TOP6BL: variants seen among roughly 807,000 people sequenced by gnomAD.
TOP6BL encodes the protein type 2 DNA topoisomerase 6 subunit B-like.
chr11:66,762,222 C>T, the TOP6BL span: 10 of 618,074 alleles, frequency 1.6e-5, no homozygotes, highest in Non-Finnish European at 2.9e-5. Flanking sequence ...GCAGGGCCCG[C>T]GAGGCCGCAG....
At chr11:66,774,785 TA>T in the TOP6BL span, among the ~76,000 whole-genome samples, 8 of 151,344 alleles carry the variant, frequency 5.3e-5, no homozygotes, top group African/African-American at 1.7e-4. Context: ...CTTTGGTTTT[TA>T]AAACCTTTAC....
chr11:66,748,543 T>G, the TOP6BL span: 1 of 1,498,172 alleles, frequency 6.7e-7, no homozygotes, highest in Non-Finnish European at 9.0e-7. Context: ...AAAAATATTT[T>G]CTATCTCTTT....
chr11:66,802,692 T>C, the TOP6BL span, among the ~76,000 whole-genome samples: 8 of 152,230 alleles, frequency 5.3e-5, no homozygotes, highest in African/African-American at 1.9e-4. Flanking sequence ...AGAGACTGCC[T>C]GTGGTTCTTA....
At chr11:66,798,156 T>C in the TOP6BL span, among the ~76,000 whole-genome samples, 3 of 152,028 alleles carry the variant, frequency 2.0e-5, no homozygotes, top group African/African-American at 4.8e-5. Flanking sequence ...AAGAAAAATA[T>C]AGGTGAATGG....
At chr11:66,759,835 G>A in the TOP6BL span, among the ~76,000 whole-genome samples, 35 of 152,152 alleles carry the variant, frequency 2.3e-4, no homozygotes, top group East Asian at 7.7e-4. Flanking sequence ...TGCCTGCCTC[G>A]GCCTCCCAAA....
At chr11:66,769,672 G>A in the TOP6BL span, among the ~76,000 whole-genome samples, 3 of 151,826 alleles carry the variant, frequency 2.0e-5, no homozygotes, top group African/African-American at 7.3e-5. Context: ...GGTTAGATTA[G>A]ATCATGAGGG....
At chr11:66,780,421 G>T in the TOP6BL span, among the ~76,000 whole-genome samples, 1 of 151,984 alleles carries the variant, frequency 6.6e-6, no homozygotes, top group Admixed American at 6.6e-5. Context: ...AAATCTTCTA[G>T]CAGCAGATTA....
At chr11:66,745,147 T>G in the TOP6BL span, among the ~76,000 whole-genome samples, 1 of 151,930 alleles carries the variant, frequency 6.6e-6, no homozygotes, top group Admixed American at 6.6e-5. Flanking sequence ...AGCCTACGGC[T>G]CAGAAAGCTG....
chr11:66,803,940 A>G, the TOP6BL span: 38 of 1,447,338 alleles, frequency 2.6e-5, no homozygotes, highest in South Asian at 4.5e-4. Flanking sequence ...ATGCTCTTTT[A>G]AATAATTTCT....
At chr11:66,749,337 C>T in the TOP6BL span, among the ~76,000 whole-genome samples, 8 of 152,208 alleles carry the variant, frequency 5.3e-5, no homozygotes, top group East Asian at 3.9e-4. Flanking sequence ...TGCTTGGCTA[C>T]GTGTCTAGGG....
chr11:66,803,627 G>A, the TOP6BL span, among the ~76,000 whole-genome samples: 2 of 152,200 alleles, frequency 1.3e-5, no homozygotes, highest in South Asian at 4.1e-4. Context: ...GTTTCACCAT[G>A]TTGGCCAGGT....
the TOP6BL span, among the ~76,000 whole-genome samples, chr11:66,791,900 C>T: frequency 6.6e-6 from 1 of 151,544 alleles, no homozygotes; most frequent in Non-Finnish European, 1.5e-5. Flanking sequence ...TCACTGCAAG[C>T]TCCGCCTCCC....
At chr11:66,808,972 G>A in the TOP6BL span, among the ~76,000 whole-genome samples, 2 of 152,164 alleles carry the variant, frequency 1.3e-5, no homozygotes, top group African/African-American at 4.8e-5. Context: ...GTGTGACGGA[G>A]TCTCGCTCCG....
the TOP6BL span, among the ~76,000 whole-genome samples, chr11:66,775,067 C>T: frequency 7.1e-6 from 1 of 141,138 alleles, no homozygotes; most frequent in East Asian, 2.2e-4. Flanking sequence ...GAGCTGAGAT[C>T]GCACCACTGC....
the TOP6BL span, among the ~76,000 whole-genome samples, chr11:66,786,937 G>T: frequency 2.9e-3 from 414 of 143,770 alleles, no homozygotes; most frequent in Non-Finnish European, 4.7e-3. Context: ...TTTTTGTTTT[G>T]TTTTTTTTTT....
At chr11:66,801,074 C>G in the TOP6BL span, 1 of 1,613,886 alleles carries the variant, frequency 6.2e-7, no homozygotes, top group African/African-American at 1.3e-5. Flanking sequence ...TGGAATTGCT[C>G]TTTTGGTCGA....
the TOP6BL span, among the ~76,000 whole-genome samples, chr11:66,760,394 A>G: frequency 6.6e-6 from 1 of 150,866 alleles, no homozygotes; most frequent in South Asian, 2.1e-4. Context: ...GGCTGCAGTG[A>G]GCCAAGATCA....
At chr11:66,759,175 T>G in the TOP6BL span, 1 of 969,684 alleles carries the variant, frequency 1.0e-6, no homozygotes. Context: ...AAATTTATAA[T>G]GAAAGAAAGA....
chr11:66,749,568 A>T, the TOP6BL span, among the ~76,000 whole-genome samples: 2 of 151,822 alleles, frequency 1.3e-5, no homozygotes, highest in South Asian at 4.2e-4. Context: ...TATGGTTATA[A>T]TTATTTATTT....
Sources: gnomAD v4.1 joint callset for allele counts (sites outside exome capture counted in the v4.1 genomes callset) on GRCh38, gnomAD v4.1.1 for gene constraint, MANE v1.5 for transcripts, NCBI Gene and HGNC (gene_info 2026-07-23, HGNC 2026-07-21) for gene names.